FAM163A: variants seen among roughly 807,000 people sequenced by gnomAD.
FAM163A encodes the protein family with sequence similarity 163 member A, also known as protein FAM163A.
Under a neutral mutation model 12.0 loss-of-function variants are expected in FAM163A, and 7 were observed. The ratio of observed to expected loss-of-function variants is 0.58; its 90% CI spans 0.33 to 1.10. The LOEUF (loss-of-function observed/expected upper bound fraction) is 1.10. Among genes scored for constraint, FAM163A ranks in the 50% least tolerant of loss-of-function variants. The pLI is 0.03. For synonymous variants in FAM163A, 101 were observed against 91.0 expected, an observed-to-expected ratio of 1.11 and a Z score of -0.62; for missense variants, 202 against 218.6, an observed-to-expected ratio of 0.92 and a Z score of 0.48.
At chr1:179,756,892 C>T (rs1290182290) in intron 1 of FAM163A, among the ~76,000 whole-genome samples, 4 of 152,108 alleles carry the variant, frequency 2.6e-5, no homozygotes, top group Non-Finnish European at 5.9e-5. Flanking sequence ...TTGGGAGGGG[C>T]AGTACGGGGG....
At chr1:179,790,218 CTTTTTTTTTT>C (rs1168192716) in intron 1 of FAM163A, among the ~76,000 whole-genome samples, 32 of 91,676 alleles carry the variant, frequency 3.5e-4, no homozygotes, top group South Asian at 1.9e-3. Context: ...AGCTGACTTC[CTTTTTTTTTT>C]TTTTTTTTTT....
intron 1 of FAM163A, among the ~76,000 whole-genome samples, chr1:179,797,885 A>G (rs1692564925): frequency 6.6e-6 from 1 of 152,176 alleles, no homozygotes; most frequent in South Asian, 2.1e-4. Flanking sequence ...AATAGGAACC[A>G]TATGTGTTGA....
At chr1:179,735,517 T>A in the FAM163A span, among the ~76,000 whole-genome samples, 1 of 144,212 alleles carries the variant, frequency 6.9e-6, no homozygotes, top group South Asian at 2.3e-4. Flanking sequence ...TTTTTTTTTT[T>A]TTTTGAGACG....
At chr1:179,795,881 G>T (rs868009861) in intron 1 of FAM163A, among the ~76,000 whole-genome samples, 4 of 151,232 alleles carry the variant, frequency 2.6e-5, no homozygotes, top group Admixed American at 2.6e-4. Context: ...GAGTTCCTGC[G>T]TTGGCCATTC....
intron 1 of FAM163A, among the ~76,000 whole-genome samples, chr1:179,778,458 G>C (rs1190306046): frequency 1.3e-5 from 2 of 152,206 alleles, no homozygotes; most frequent in Admixed American, 1.3e-4. Context: ...GAATTCCAGA[G>C]GGTGAGGGAA....
At chr1:179,791,282 C>T (rs1488192185) in intron 1 of FAM163A, among the ~76,000 whole-genome samples, 2 of 152,154 alleles carry the variant, frequency 1.3e-5, no homozygotes, top group African/African-American at 2.4e-5. Context: ...CTCCTCAGGC[C>T]GTACCACATC....
intron 3 of FAM163A, among the ~76,000 whole-genome samples, chr1:179,812,683 C>T (rs774916090): frequency 1.3e-5 from 2 of 152,124 alleles, no homozygotes; most frequent in Non-Finnish European, 2.9e-5. Flanking sequence ...AGGGTTATCG[C>T]GAGGATGTAG....
chr1:179,810,951 G>A lies in FAM163A; in HGVS notation c.-44-1159G>A, dbSNP rs183420257. ...CCAGCTACTCGGGAGGCTGAGGCAC[G>A]AGAATCACTGGAACCCAGCAGGCAG... On this transcript the variant is annotated intron_variant, in intron 2 of 4. Coordinates refer to ENST00000341785, the MANE Select transcript of FAM163A (RefSeq NM_173509.3). Among the ~76,000 whole-genome samples, 241 of 152,202 alleles carry A rather than the reference G, an allele frequency of 1.6e-3. 1 individual carries two copies. The highest frequency in any genetic ancestry group is 5.2e-3 in the African/African-American group (218 of 41,532).
intron 1 of FAM163A, among the ~76,000 whole-genome samples, chr1:179,796,337 C>T (rs988872387): frequency 6.6e-6 from 1 of 152,108 alleles, no homozygotes; most frequent in Non-Finnish European, 1.5e-5. Flanking sequence ...AAAAAAGTTA[C>T]CCTGTGGGCT....
chr1:179,777,147 C>T (rs1038949052), intron 1 of FAM163A, among the ~76,000 whole-genome samples: 1 of 152,078 alleles, frequency 6.6e-6, no homozygotes, highest in African/African-American at 2.4e-5. Context: ...CACCTTTTTG[C>T]TGTTGTGAAT....
chr1:179,742,724 C>T (rs1683804284), upstream of FAM163A: 1 of 152,406 alleles, frequency 6.6e-6, no homozygotes, highest in South Asian at 2.1e-4. Flanking sequence ...GGTTTCTCCT[C>T]GTGTCGAGGC....
chr1:179,747,206 G>A (rs982912556), intron 1 of FAM163A, among the ~76,000 whole-genome samples: 2 of 151,984 alleles, frequency 1.3e-5, no homozygotes, highest in African/African-American at 4.8e-5. Context: ...CTAGAGTCTA[G>A]GGCTGTATTG....
chr1:179,735,110 AG>A, the FAM163A span, among the ~76,000 whole-genome samples: 1 of 152,238 alleles, frequency 6.6e-6, no homozygotes, highest in Non-Finnish European at 1.5e-5. Context: ...TTTAGTAAAA[AG>A]GCAGTTTTCA....
At chr1:179,804,255 G>T (rs1455999544) in intron 1 of FAM163A, among the ~76,000 whole-genome samples, 1 of 152,160 alleles carries the variant, frequency 6.6e-6, no homozygotes, top group African/African-American at 2.4e-5. Context: ...CATGGCTCAG[G>T]TAATTGTTAA....
the FAM163A span, among the ~76,000 whole-genome samples, chr1:179,737,569 C>T: frequency 1.3e-5 from 2 of 152,324 alleles, no homozygotes; most frequent in Non-Finnish European, 2.9e-5. Context: ...GGCGCGGTGG[C>T]TCACACCTGT....
At chr1:179,738,450 T>A (rs1225790148), upstream of FAM163A, among the ~76,000 whole-genome samples, 1 of 152,186 alleles carries the variant, frequency 6.6e-6, no homozygotes, top group Non-Finnish European at 1.5e-5. Context: ...CAATTATACC[T>A]CAATAAAGCT....
At chr1:179,759,751 C>T (rs996973286) in intron 1 of FAM163A, among the ~76,000 whole-genome samples, 7 of 152,124 alleles carry the variant, frequency 4.6e-5, no homozygotes, top group African/African-American at 9.7e-5. Flanking sequence ...ACTGCAACCT[C>T]TGCCTCCCAG....
At chr1:179,770,172 T>C (rs1469526244) in intron 1 of FAM163A, among the ~76,000 whole-genome samples, 14 of 152,164 alleles carry the variant, frequency 9.2e-5, no homozygotes, top group Non-Finnish European at 2.1e-4. Context: ...CTCAAAGTGC[T>C]GGGATTACAG....
chr1:179,810,940 G>A (rs528368625), intron 2 of FAM163A, among the ~76,000 whole-genome samples: 3 of 152,228 alleles, frequency 2.0e-5, no homozygotes, highest in African/African-American at 7.2e-5. Flanking sequence ...CTACTCGGGA[G>A]GCTGAGGCAC....
Sources: allele counts gnomAD v4.1 joint callset (sites outside exome capture counted in the v4.1 genomes callset), GRCh38; gene constraint gnomAD v4.1.1; transcripts MANE v1.5; gene names NCBI Gene and HGNC (gene_info 2026-07-23, HGNC 2026-07-21).